Variants in IKZF1 observed in about 807,000 individuals in gnomAD.
The protein encoded by IKZF1 is DNA-binding protein Ikaros.
A neutral mutation model predicts 51.7 loss-of-function variants in IKZF1; 10 were observed. That is an observed-to-expected ratio of 0.19 (90% confidence interval 0.12 to 0.33). The LOEUF is 0.33. IKZF1 is among the 10% of genes least tolerant of loss of function. The pLI is 1.00. For synonymous variants in IKZF1, 280 were observed against 282.3 expected (o/e 0.99, Z 0.08); for missense variants, 484 against 707.5 (o/e 0.68, Z 3.58).
At chr7:50,353,117 G>A (rs560530590) in intron 3 of IKZF1, among the ~76,000 whole-genome samples, 16 of 87,090 alleles carry the variant, frequency 1.8e-4, no homozygotes, top group Admixed American at 1.8e-3. Context: ...GGAGAAGCCT[G>A]AGGGGCTGCC....
chr7:50,394,923 T>A (rs76206845), intron 7 of IKZF1, among the ~76,000 whole-genome samples: 2,019 of 152,324 alleles, frequency 0.013, 45 homozygotes, highest in African/African-American at 0.044. Flanking sequence ...AATTGTTGTT[T>A]TTAGTCTGTC....
intron 3 of IKZF1, among the ~76,000 whole-genome samples, chr7:50,362,022 G>C (rs1431643340): frequency 6.6e-6 from 1 of 152,148 alleles, no homozygotes; most frequent in Non-Finnish European, 1.5e-5. Flanking sequence ...TTAGTTCACT[G>C]TGAACAATTA....
chr7:50,305,760 G>A (rs1227164436), intron 1 of IKZF1, among the ~76,000 whole-genome samples: 1 of 152,134 alleles, frequency 6.6e-6, no homozygotes, highest in East Asian at 1.9e-4. Flanking sequence ...CAGACAAAAT[G>A]GTGTTGAGGA....
chr7:50,354,429 G>A (rs1802693870), intron 3 of IKZF1, among the ~76,000 whole-genome samples: 1 of 152,178 alleles, frequency 6.6e-6, no homozygotes, highest in Admixed American at 6.5e-5. Context: ...CAGGCACAGG[G>A]CAGACATCAA....
At chr7:50,333,050 G>A (rs1796764177) in intron 3 of IKZF1, among the ~76,000 whole-genome samples, 1 of 150,312 alleles carries the variant, frequency 6.7e-6, no homozygotes, top group African/African-American at 2.5e-5. Flanking sequence ...ATGTTGAATA[G>A]TTTGAACAGA....
intron 3 of IKZF1, among the ~76,000 whole-genome samples, chr7:50,343,183 CCTTCCCCTCGT>C (rs1799502135): frequency 1.7e-5 from 2 of 115,218 alleles, no homozygotes; most frequent in African/African-American, 6.8e-5. Flanking sequence ...ACCCTCCCTC[CCTTCCCCTCGT>C]CTCCCTTCCC....
intron 3 of IKZF1, among the ~76,000 whole-genome samples, chr7:50,340,071 G>A (rs1798717827): frequency 6.6e-6 from 1 of 152,202 alleles, no homozygotes; most frequent in Non-Finnish European, 1.5e-5. Flanking sequence ...CCCTGTGCCT[G>A]CAGGGGTGGC....
intron 1 of IKZF1, among the ~76,000 whole-genome samples, chr7:50,307,606 C>G (rs1789117780): frequency 6.6e-6 from 1 of 152,190 alleles, no homozygotes; most frequent in Admixed American, 6.5e-5. Flanking sequence ...AATAATCATT[C>G]CATTTTATGG....
intron 1 of IKZF1, 119 bp from the exon 2 acceptor site, chr7:50,318,929 C>G (rs1562722721): frequency 1.6e-6 from 1 of 625,008 alleles, no homozygotes; most frequent in Non-Finnish European, 2.9e-6. Context: ...GAGGAAAATG[C>G]ATTATTCTTG....
chr7:50,369,553 C>T (rs998772539), intron 3 of IKZF1: 1 of 398,628 alleles, frequency 2.5e-6, no homozygotes, highest in Non-Finnish European at 4.4e-6. Context: ...CTCACACAAG[C>T]GGCTACTTGG....
intron 5 of IKZF1, among the ~76,000 whole-genome samples, chr7:50,386,953 C>G (rs1270053098): frequency 6.6e-6 from 1 of 152,214 alleles, no homozygotes; most frequent in Non-Finnish European, 1.5e-5. Flanking sequence ...GAGGCCTACT[C>G]TGGAGGCAAA....
At chr7:50,309,833 G>T (rs1268963582) in intron 1 of IKZF1, among the ~76,000 whole-genome samples, 3 of 152,146 alleles carry the variant, frequency 2.0e-5, no homozygotes, top group Non-Finnish European at 4.4e-5. Flanking sequence ...TTAATTTAGA[G>T]TCTTTAGGAG....
At position 50,391,831 on chromosome 7, in the gene IKZF1, A is replaced by G. The variant is rs1815162580; in HGVS notation, c.818A>G (p.Lys273Arg). ...GACAGACTAGCAAGTAACGTCGCCAAACGTAAGAGCTCTATGCCTCAGAAA... is the reference window on the plus strand; with the variant it reads ...GACAGACTAGCAAGTAACGTCGCCAGACGTAAGAGCTCTATGCCTCAGAAA... ...VLDRLASNVAKRKSSMPQKFL... is the reference protein window; with the variant it reads ...VLDRLASNVARRKSSMPQKFL... The change falls in exon 7 of 8, where the codon AAA becomes AGA. Residue 273 changes from lysine (K) to arginine (R), a missense_variant. Physicochemically the swap from Lys to Arg is conservative, Grantham distance 26. Around this residue, in one of 6 missense-constraint regions of IKZF1, gnomAD observed 172 missense variants for 192.7 expected, o/e 0.89. Coordinates refer to ENST00000331340, the MANE Select transcript of IKZF1 (RefSeq NM_006060.6). 1.9e-6 allele frequency: 3 copies of G among 1,613,806 alleles called. No individual in the cohort carries two copies. Among genetic ancestry groups the G allele is most frequent in the Non-Finnish European group, 2.5e-6 (3 of 1,179,848 alleles).
chr7:50,356,769 A>C (rs953787500), intron 3 of IKZF1, among the ~76,000 whole-genome samples: 24 of 152,008 alleles, frequency 1.6e-4, no homozygotes, highest in Non-Finnish European at 1.0e-4. Context: ...GGGCTTTTAC[A>C]ATATAGCCAG....
At chr7:50,317,860 C>A (rs1452568773) in intron 1 of IKZF1, among the ~76,000 whole-genome samples, 1 of 152,216 alleles carries the variant, frequency 6.6e-6, no homozygotes, top group African/African-American at 2.4e-5. Context: ...AATCATCCAT[C>A]AGTTTTTCAG....
chr7:50,325,088 G>T (rs1321409520), intron 2 of IKZF1, among the ~76,000 whole-genome samples: 2 of 152,092 alleles, frequency 1.3e-5, no homozygotes, highest in African/African-American at 4.8e-5. Context: ...TGTCAGGCCA[G>T]AAGGCTCCAT....
chr7:50,352,284 T>C (rs750162930), intron 3 of IKZF1, among the ~76,000 whole-genome samples: 90 of 152,360 alleles, frequency 5.9e-4, no homozygotes, highest in Non-Finnish European at 1.1e-3. Flanking sequence ...GCTTGGATAG[T>C]ATTATCTGTC....
At chr7:50,385,488 A>T (rs1813110771) in intron 5 of IKZF1, among the ~76,000 whole-genome samples, 1 of 152,116 alleles carries the variant, frequency 6.6e-6, no homozygotes, top group Non-Finnish European at 1.5e-5. Context: ...GGGGAGCTGG[A>T]GGGGTGGAGA....
intron 3 of IKZF1, among the ~76,000 whole-genome samples, chr7:50,341,301 C>T (rs1562778355): frequency 1.3e-5 from 2 of 151,992 alleles, no homozygotes; most frequent in African/African-American, 4.8e-5. Context: ...GCCACCATGC[C>T]CAGCTGATTT....
Sources: allele counts gnomAD v4.1 joint callset (sites outside exome capture counted in the v4.1 genomes callset), GRCh38; gene constraint gnomAD v4.1.1; regional missense constraint gnomAD v4.1.1; transcripts MANE v1.5; gene names NCBI Gene and HGNC (gene_info 2026-07-23, HGNC 2026-07-21).